The following ARHGAP40 variants were observed in gnomAD, a reference collection of about 807,000 sequenced individuals.
ARHGAP40 encodes Rho GTPase activating protein 40.
Under a neutral mutation model 73.5 loss-of-function variants are expected in ARHGAP40, and 43 were observed. The ratio of observed to expected loss-of-function variants is 0.58; its 90% confidence interval spans 0.46 to 0.75. The LOEUF (loss-of-function observed/expected upper bound fraction) is 0.75. Among genes scored for constraint, ARHGAP40 ranks in the 30% least tolerant of loss-of-function variants. The pLI is 0.00. For synonymous variants in ARHGAP40, 300 were observed against 352.8 expected (o/e 0.85, Z 1.68); for missense variants, 734 against 861.8 (o/e 0.85, Z 1.86).
intron 9 of ARHGAP40, among the ~76,000 whole-genome samples, chr20:38,640,834 G>A (rs548726369): frequency 1.3e-5 from 2 of 152,258 alleles, no homozygotes; most frequent in East Asian, 1.9e-4. Context: ...CATTGCCTGC[G>A]AGGGGCCTTC....
chr20:38,623,464 C>T, exon 2 of ARHGAP40: 2 of 1,290,932 alleles, frequency 1.5e-6, no homozygotes, highest in Non-Finnish European at 2.0e-6. Context: ...AGAGCTCCAG[C>T]ATGGATGGCT....
chr20:38,607,369 A>T (rs536291266), intron 1 of ARHGAP40, among the ~76,000 whole-genome samples: 4 of 152,226 alleles, frequency 2.6e-5, no homozygotes, highest in African/African-American at 9.6e-5. Flanking sequence ...CGGAACGGCC[A>T]CCTCAGATCC....
At chr20:38,648,151 G>C (rs1407722196) in intron 13 of ARHGAP40, among the ~76,000 whole-genome samples, 2 of 152,190 alleles carry the variant, frequency 1.3e-5, no homozygotes, top group Non-Finnish European at 2.9e-5. Flanking sequence ...AAAAGAGAAG[G>C]GACTTGCCTT....
At chr20:38,604,786 T>A (rs1329064242) in intron 1 of ARHGAP40, among the ~76,000 whole-genome samples, 1 of 152,174 alleles carries the variant, frequency 6.6e-6, no homozygotes, top group Non-Finnish European at 1.5e-5. Context: ...CTAGTAAAAA[T>A]ACTACCTCCA....
chr20:38,630,422 C>T (rs1463903702), intron 5 of ARHGAP40, among the ~76,000 whole-genome samples: 11 of 151,890 alleles, frequency 7.2e-5, no homozygotes, highest in Admixed American at 7.2e-4. Context: ...GTTCTTCCTA[C>T]ATTGCCCAGG....
intron 2 of ARHGAP40, among the ~76,000 whole-genome samples, chr20:38,624,325 G>A (rs146031752): frequency 1.3e-5 from 2 of 152,274 alleles, no homozygotes; most frequent in East Asian, 3.9e-4. Context: ...CCAAGAGAGA[G>A]AGCTGGGTAG....
At chr20:38,636,079 A>G (rs2088972999) in intron 6 of ARHGAP40, among the ~76,000 whole-genome samples, 1 of 152,052 alleles carries the variant, frequency 6.6e-6, no homozygotes. Context: ...TTACCATGCC[A>G]TTGGTCCAAA....
exon 2 of ARHGAP40, chr20:38,623,375 G>A (rs6100437): frequency 0.059 from 75,978 of 1,290,224 alleles, 2,499 homozygotes; most frequent in African/African-American, 0.12. Context: ...CCCCTCCTCA[G>A]GCCGAATGGA....
At position 38,649,269 on chromosome 20, in the gene ARHGAP40, C is replaced by T. The variant is rs143892528; in HGVS notation, c.1937-488C>T. Among the ~76,000 whole-genome samples, 502 of 152,274 alleles carry T rather than the reference C, an allele frequency of 3.3e-3. 4 individuals carry two copies. The highest frequency in any genetic ancestry group is 0.011 in the African/African-American group (475 of 41,546). On this transcript the variant is annotated intron_variant, in intron 14 of 14. Transcript: ENST00000373345. The stretch of plus-strand genomic sequence containing the variant: ...CCCAGGAGTTGCAGATGCTGCTGGT[C>T]GGGGGGCCACACTTTGAGGGCCACT...
exon 15 of ARHGAP40, chr20:38,650,214 C>T (rs2089081129): frequency 2.5e-6 from 1 of 396,518 alleles, no homozygotes; most frequent in African/African-American, 2.1e-5. Context: ...CTACACCAAG[C>T]TTGCTGTATG....
intron 1 of ARHGAP40, among the ~76,000 whole-genome samples, chr20:38,613,218 A>G (rs902597032): frequency 6.6e-6 from 1 of 151,936 alleles, no homozygotes; most frequent in African/African-American, 2.4e-5. Context: ...TCAGATGGAG[A>G]TTGGTAGATC....
intron 1 of ARHGAP40, among the ~76,000 whole-genome samples, chr20:38,606,581 C>A (rs1424995036): frequency 2.0e-5 from 3 of 152,188 alleles, no homozygotes; most frequent in Non-Finnish European, 2.9e-5. Flanking sequence ...GGCTGAGCAT[C>A]TTTTCACATG....
chr20:38,648,558 G>A (rs1392257131), intron 13 of ARHGAP40, 85 bp from the exon 14 acceptor site: 1 of 1,154,202 alleles, frequency 8.7e-7, no homozygotes, highest in Non-Finnish European at 1.2e-6. Flanking sequence ...CCTTTCCAGG[G>A]CTGGGGGCCA....
chr20:38,615,243 C>A (rs1042406235), intron 1 of ARHGAP40: 2 of 771,334 alleles, frequency 2.6e-6, no homozygotes, highest in Non-Finnish European at 4.8e-6. Context: ...TCCTTTCATT[C>A]ATGATCCCTC....
In ARHGAP40 at chr20:38,637,731, C is replaced by CT. The variant is rs1358275531; in HGVS notation, c.975dup (p.Asp326Ter). 3 of 1,305,188 alleles carry CT rather than the reference C, an allele frequency of 2.3e-6. No homozygotes were observed. The African/African-American group carries it at 4.6e-5, about 20-fold the overall frequency. 80.9% of individuals were successfully genotyped at this position (1,305,188 alleles called of 1,614,324 possible). On this transcript the variant is annotated frameshift_variant, in exon 7 of 15. Coordinates refer to ENST00000373345, the Ensembl canonical transcript of ARHGAP40. LOFTEE classifies it high-confidence loss of function. ...AGAAACTCGCCTCTTTGGTGTGCCC[C>CT]TTGACAGCCTGCTAGAAGCTGACCA...
In ARHGAP40 at chr20:38,602,124, A is replaced by G. The variant is rs184057598; in HGVS notation, c.137+45A>G. 1,109 of 1,251,966 alleles carry G rather than the reference A, an allele frequency of 8.9e-4. 9 individuals are homozygous for G. In the African/African-American group the frequency reaches 0.015, roughly 17 times the overall value. The allele number at this position is 1,251,966 out of a possible 1,614,324, so 77.6% of individuals were successfully genotyped here. On this transcript the variant is annotated intron_variant, in intron 1 of 14. Coordinates refer to ENST00000373345, the Ensembl canonical transcript of ARHGAP40. ...GGGAGGGAAGTTGGCCCTACTATGC[A>G]CCAGGGGCATGTGCGGTCTGTCTTC...
At chr20:38,632,263 C>A (rs1452478877) in intron 5 of ARHGAP40, among the ~76,000 whole-genome samples, 2 of 140,926 alleles carry the variant, frequency 1.4e-5, no homozygotes, top group Non-Finnish European at 3.2e-5. Context: ...TGCACCCGGC[C>A]TAAATTTTTT....
chr20:38,603,810 A>T (rs1480130135), intron 1 of ARHGAP40, among the ~76,000 whole-genome samples: 5 of 152,150 alleles, frequency 3.3e-5, no homozygotes. Flanking sequence ...TCCTTGGCTG[A>T]TGGTCCTCTT....
At chr20:38,634,905 C>T (rs1218312528) in intron 6 of ARHGAP40, 120 bp downstream of exon 6, 12 of 963,306 alleles carry the variant, frequency 1.2e-5, no homozygotes, top group Middle Eastern at 9.5e-4. Context: ...TTTTTTGAGA[C>T]GGAGTCTCGC....
Sources: gnomAD v4.1 joint callset for allele counts (sites outside exome capture counted in the v4.1 genomes callset) on GRCh38, gnomAD v4.1.1 for gene constraint, MANE v1.5 for transcripts, NCBI Gene and HGNC (gene_info 2026-07-23, HGNC 2026-07-21) for gene names.